Variants in PAPLN observed in about 807,000 individuals in gnomAD.
PAPLN encodes papilin, proteoglycan like sulfated glycoprotein, also known as papilin.
Under a neutral mutation model 159.0 loss-of-function variants are expected in PAPLN, and 146 were observed. That is an observed-to-expected ratio of 0.92 (90% CI 0.80 to 1.05). The LOEUF (loss-of-function observed/expected upper bound fraction) is 1.05, where lower values mean the gene tolerates loss of function less well. Ranked by LOEUF, PAPLN falls within the 50% of genes least tolerant of loss-of-function variation. PAPLN has a pLI of 0.00. For missense variants in PAPLN, 1,720 were observed against 1,743.9 expected (o/e 0.99, Z 0.24); for synonymous variants, 734 against 702.9 (o/e 1.04, Z -0.70).
chr14:73,264,352 C>T lies in PAPLN; in HGVS notation c.2986+17C>T, dbSNP rs1566705331. 1.2e-6 allele frequency: 2 copies of T among 1,608,544 alleles called. No homozygotes were observed. Among genetic ancestry groups the T allele is most frequent in the East Asian group, 2.2e-5 (1 of 44,842 alleles). ...GCATCATAGGTCTCTGTCCCCACCC[C>T]ATCCACCAGTGCGTTCTCAGGGGCC... On this transcript the variant is annotated intron_variant, in intron 21 of 26. Transcript: ENST00000644200.
intron 26 of PAPLN, 34 bp downstream of exon 26, chr14:73,268,757 C>T (rs1684060609): frequency 6.4e-7 from 1 of 1,563,592 alleles, no homozygotes; most frequent in African/African-American, 1.4e-5. Context: ...ATGGGAAGGA[C>T]ATTCCCCAGT....
rs769000371 is a variant in PAPLN, at chr14:73,251,527, A to T, written c.631A>T (p.Ile211Phe). 6.2e-7 allele frequency: 1 copy of T among 1,611,742 alleles called. No individual in the cohort carries two copies. The highest frequency in any genetic ancestry group is 8.5e-7 in the Non-Finnish European group (1 of 1,179,874). The change falls in exon 8 of 27, where the codon ATC becomes TTC. Residue 211 changes from isoleucine to phenylalanine, a missense_variant. Physicochemically the swap from Ile to Phe is conservative, Grantham distance 21. Coordinates refer to ENST00000644200, the MANE Select transcript of PAPLN (RefSeq NM_001365906.3). ...ILIVPMGATS[I>F]LIDEAAASRN... The stretch of plus-strand genomic sequence containing the variant: ...CATAGTTCCCATGGGTGCCACCAGC[A>T]TCCTCATCGACGAGGCTGCTGCCAG...
At position 73,248,249 on chromosome 14, in the gene PAPLN, A is replaced by ATGTGTG. The variant is rs376447361; in HGVS notation, c.335-1715_335-1710dup. On this transcript the variant is annotated intron_variant, in intron 5 of 26. Transcript: ENST00000644200. ...GCCCAGTGGGAGTCTCATATCCTCTATGTGTGTGTGTGTGTGTGTGTGTGT... is the reference window on the plus strand; with the variant it reads ...GCCCAGTGGGAGTCTCATATCCTCTATGTGTGTGTGTGTGTGTGTGTGTGTGTGTGT... 2.1e-3 allele frequency among the ~76,000 whole-genome samples: 165 copies of ATGTGTG among 76,924 alleles called. 2 individuals are homozygous for ATGTGTG. Among genetic ancestry groups the ATGTGTG allele is most frequent in the Admixed American group, 4.6e-3 (41 of 8,972 alleles). 50.5% of individuals were successfully genotyped at this position (76,924 alleles called of 152,430 possible).
intron 16 of PAPLN, among the ~76,000 whole-genome samples, chr14:73,260,471 G>C (rs1026942689): frequency 6.6e-6 from 1 of 152,172 alleles, no homozygotes; most frequent in African/African-American, 2.4e-5. Flanking sequence ...GTTATGAGGG[G>C]TACAGCCACC....
At position 73,259,308 on chromosome 14, in the gene PAPLN, C is replaced by G. The variant is rs1455678162; in HGVS notation, c.1748C>G (p.Ser583Ter). Residue 583 changes from serine (S) to a stop codon, truncating the protein, a stop_gained, in exon 16 of 27, where the codon TCA (serine) becomes TGA (stop). Coordinates refer to ENST00000644200, the MANE Select transcript of PAPLN (RefSeq NM_001365906.3). LOFTEE classifies it high-confidence loss of function. ...TGGTGGGCAGCCCAGGAACACCCCT[C>G]AGCCAGGGGTGACCACAGGGGAGAA... Reference protein sequence around the residue: ...GQWWAAQEHPSARGDHRGERG... With the variant: ...GQWWAAQEHP The G allele has an allele frequency of 6.3e-7, 1 of 1,591,424 alleles. No homozygotes were observed. Among genetic ancestry groups the G allele is most frequent in the South Asian group, 1.1e-5 (1 of 88,410 alleles).
intron 12 of PAPLN, 51 bp from the exon 13 acceptor site, chr14:73,254,462 G>T (rs369000020): frequency 6.9e-6 from 11 of 1,597,080 alleles, no homozygotes; most frequent in Middle Eastern, 1.7e-4. Flanking sequence ...CCGAACTGGC[G>T]TGGCTCCTGG....
intron 14 of PAPLN, among the ~76,000 whole-genome samples, chr14:73,256,391 G>A (rs912808866): frequency 1.3e-5 from 2 of 151,980 alleles, no homozygotes; most frequent in African/African-American, 4.8e-5. Flanking sequence ...AATTAGCTGG[G>A]CGTTGTGGCA....
Position 73,265,440 on chromosome 14 carries a change from C to T in PAPLN, c.3196C>T (p.Arg1066Cys), listed in dbSNP as rs529677835. 43 of 1,613,366 alleles carry T rather than the reference C, an allele frequency of 2.7e-5. 1 individual carries two copies. In the South Asian group the frequency reaches 2.7e-4, roughly 10 times the overall value. ...AGGCCAGCGGATCCGGATGACCTGC[C>T]GTGCCGAAGGCTTCCCGCCCCCAGC... ...SPGQRIRMTC[R>C]AEGFPPPAIE... The change falls in exon 23 of 27, where the codon CGT (arginine) becomes TGT (cysteine). Residue 1066 changes from arginine (R) to cysteine (C), a missense_variant. By Grantham distance (180) the Arg-to-Cys change is radical. Transcript: ENST00000644200. This position sits in a 1 kb window ranked among gnomAD's most constrained non-coding sequence, Gnocchi z 4.1.
chr14:73,264,146 G>C, intron 20 of PAPLN, 65 bp from the exon 21 acceptor site: 1 of 1,606,800 alleles, frequency 6.2e-7, no homozygotes. Flanking sequence ...CACCGAGGCG[G>C]AGGGAAGACT....
chr14:73,248,205 G>T (rs1884825107), intron 5 of PAPLN, among the ~76,000 whole-genome samples: 1 of 145,072 alleles, frequency 6.9e-6, no homozygotes, highest in African/African-American at 2.6e-5. Context: ...GTGTTGTGGG[G>T]ATTGTGGCTG....
At chr14:73,255,152 T>TC in intron 14 of PAPLN, 134 bp downstream of exon 14, 3 of 1,280,230 alleles carry the variant, frequency 2.3e-6, no homozygotes, top group Non-Finnish European at 3.2e-6. Context: ...CTCCCATGTC[T>TC]CCCCCCGCTG....
rs1396407805 is a variant in PAPLN, at chr14:73,262,383, ATGGCTCT to A, written c.2282_2288del (p.Gly761AlafsTer39). The A allele has an allele frequency of 6.2e-7, 1 of 1,613,876 alleles. No individual in the cohort carries two copies. The highest frequency in any genetic ancestry group is 8.5e-7 in the Non-Finnish European group (1 of 1,179,906). ...GTGCGGTGCCTGCTGCCCAGTGCCC[ATGGCTCT>A]TGCGCAGACTGGGCTGCCCGCTGGT... On this transcript the variant is annotated frameshift_variant, in exon 19 of 27. Transcript: ENST00000644200. LOFTEE classifies it high-confidence loss of function.
At position 73,254,981 on chromosome 14, in the gene PAPLN, G is replaced by A; in HGVS notation, c.1590G>A (p.Val530=). 6.2e-7 allele frequency: 1 copy of A among 1,613,804 alleles called. No individual in the cohort carries two copies. Among genetic ancestry groups the A allele is most frequent in the Non-Finnish European group, 8.5e-7 (1 of 1,179,952 alleles). Residue 530 remains valine (V), a synonymous_variant, in exon 14 of 27, where the codon GTG becomes GTA. Coordinates refer to ENST00000644200, the MANE Select transcript of PAPLN (RefSeq NM_001365906.3). ...GSLQHSKPVD[V]EPCNTQPCHL... is the part of the protein sequence containing the mutation. ...TGCAGCACTCCAAGCCTGTGGATGT[G>A]GAGCCTTGTAACACGCAGCCCTGTC...
intron 16 of PAPLN, 27 bp from the exon 17 acceptor site, chr14:73,260,682 G>C (rs1566697671): frequency 7.0e-7 from 1 of 1,433,582 alleles, no homozygotes; most frequent in Admixed American, 2.7e-5. Context: ...AGGCTGGGCA[G>C]TGAGGGGCTG....
Position 73,264,744 on chromosome 14 carries a change from C to T in PAPLN, c.3125+18C>T, listed in dbSNP as rs1225456775. On this transcript the variant is annotated intron_variant, in intron 22 of 26. Coordinates refer to ENST00000644200, the MANE Select transcript of PAPLN (RefSeq NM_001365906.3). ...GCAAACAGGTAAGAACTCAGCAATG[C>T]CATCTTGCCCTCCCCCACGCCAGGG... 3 of 1,611,778 alleles carry T rather than the reference C, an allele frequency of 1.9e-6. No homozygotes were observed. The highest frequency in any genetic ancestry group is 4.5e-5 in the East Asian group (2 of 44,772).
At position 73,268,629 on chromosome 14, in the gene PAPLN, C is replaced by T. The variant is rs1438731406; in HGVS notation, c.3573C>T (p.Asn1191=). 6.2e-7 allele frequency: 1 copy of T among 1,613,986 alleles called. No individual in the cohort carries two copies. Among genetic ancestry groups the T allele is most frequent in the African/African-American group, 1.3e-5 (1 of 74,938 alleles). Residue 1191 remains asparagine (N), a synonymous_variant, in exon 26 of 27, where the codon AAC becomes AAT. Coordinates refer to ENST00000644200, the MANE Select transcript of PAPLN (RefSeq NM_001365906.3). ...QSPDGTLLIY[N]LRARDEGSYT... The stretch of plus-strand genomic sequence containing the variant: ...CAGATGGCACGCTGCTCATTTACAA[C>T]TTGCGGGCCAGGGATGAGGGCTCCT...
intron 4 of PAPLN, 24 bp from the exon 5 acceptor site, chr14:73,246,049 C>G (rs943181299): frequency 1.3e-5 from 19 of 1,517,914 alleles, no homozygotes; most frequent in Non-Finnish European, 1.5e-5. Context: ...CCTCCTGGAT[C>G]CCGACTTCCC....
intron 5 of PAPLN, chr14:73,246,669 C>G (rs1174757680): frequency 2.7e-5 from 3 of 110,820 alleles, no homozygotes; most frequent in African/African-American, 1.1e-4. Flanking sequence ...GAGACAGGAT[C>G]TTGCCCAGGC....
At chr14:73,240,652 G>A (rs1407838640) in intron 2 of PAPLN, among the ~76,000 whole-genome samples, 1 of 152,110 alleles carries the variant, frequency 6.6e-6, no homozygotes, top group Admixed American at 6.5e-5. Context: ...CTACTGTATT[G>A]GACTGCGAAT....
Sources: allele counts gnomAD v4.1 joint callset (sites outside exome capture counted in the v4.1 genomes callset), GRCh38; gene constraint gnomAD v4.1.1; non-coding constraint Gnocchi (gnomAD v3.1); transcripts MANE v1.5; gene names NCBI Gene and HGNC (gene_info 2026-07-23, HGNC 2026-07-21).